COL18A1: variants seen among roughly 807,000 people sequenced by gnomAD.
The protein encoded by COL18A1 is collagen alpha-1(XVIII) chain.
In COL18A1, 133 loss-of-function variants were observed where a neutral mutation model predicts 168.0. The ratio of observed to expected loss-of-function variants is 0.79; its 90% CI spans 0.69 to 0.91. The LOEUF is 0.91. Ranked by LOEUF, COL18A1 falls within the 40% of genes least tolerant of loss-of-function variation. The pLI is 0.00. For missense variants in COL18A1, 2,126 were observed against 1,925.4 expected, an observed-to-expected ratio of 1.10 and a Z score of -1.95; for synonymous variants, 949 against 809.0, an observed-to-expected ratio of 1.17 and a Z score of -2.94.
In COL18A1 at chr21:45,477,960, G is replaced by A. The variant is rs766573503; in HGVS notation, c.1216G>A (p.Glu406Lys). The A allele has an allele frequency of 1.1e-5, 16 of 1,495,474 alleles. No homozygotes were observed. In the Admixed American group the frequency reaches 1.3e-4, roughly 13 times the overall value. 92.6% of individuals were successfully genotyped at this position (1,495,474 alleles called of 1,614,324 possible). Residue 406 changes from glutamate (E) to lysine (K), a missense_variant, in exon 8 of 42, where the codon GAG becomes AAG. By Grantham distance (56) the Glu-to-Lys change is moderately conservative (BLOSUM62 1). Transcript: ENST00000651438. ...GGACGGCACCCCTGGAAGGGACGGC[G>A]AGCCGGTGAGTCCTCACGTCCCCCC... is the stretch of plus-strand genomic sequence containing the variant. ...GRDGTPGRDGEPGDPGEDGKP... is the reference protein window; with the variant it reads ...GRDGTPGRDGKPGDPGEDGKP...
chr21:45,430,613 C>A (rs1360297849), intron 2 of COL18A1, among the ~76,000 whole-genome samples: 2 of 152,130 alleles, frequency 1.3e-5, no homozygotes, highest in African/African-American at 4.8e-5. Context: ...TGATGGAGCG[C>A]GTGGGTGGCT....
At chr21:45,422,813 G>A (rs1373457196) in intron 2 of COL18A1, among the ~76,000 whole-genome samples, 2 of 151,252 alleles carry the variant, frequency 1.3e-5, no homozygotes, top group Non-Finnish European at 3.0e-5. Context: ...TTGAGATGGA[G>A]TTTCACTCTT....
intron 2 of COL18A1, among the ~76,000 whole-genome samples, chr21:45,413,019 C>T (rs530203451): frequency 1.1e-4 from 16 of 152,256 alleles, no homozygotes; most frequent in African/African-American, 2.6e-4. Flanking sequence ...GATGGTGGAG[C>T]GTCATGGGGC....
At chr21:45,493,882 A>T (rs1416718575) in intron 26 of COL18A1, 1 of 441,876 alleles carries the variant, frequency 2.3e-6, no homozygotes, top group Admixed American at 3.6e-5. Context: ...TGTGGGGTGC[A>T]GGAGCCCAGG....
intron 26 of COL18A1, 94 bp downstream of exon 26, chr21:45,493,669 A>G (rs949919916): frequency 3.3e-6 from 3 of 913,544 alleles, no homozygotes; most frequent in Non-Finnish European, 5.1e-6. Flanking sequence ...CTGGCTCCTG[A>G]TGCACGAGCC....
At position 45,425,016 on chromosome 21, in the gene COL18A1, CTG is replaced by C. The variant is rs1486502910; in HGVS notation, c.106+19545_106+19546del. On this transcript the variant is annotated intron_variant, in intron 2 of 41. Coordinates refer to ENST00000651438, the MANE Select transcript of COL18A1 (RefSeq NM_001379500.1). This position sits in a 1 kb window ranked among gnomAD's most constrained non-coding sequence, Gnocchi z 4.1. Reference sequence around the variant, plus strand: ...GATCTCTCGCACCTGAAAATTTCCTCTGTAGCCATTCGCAGGAGGTTTCTCAG... The same window carrying C: ...GATCTCTCGCACCTGAAAATTTCCTCTAGCCATTCGCAGGAGGTTTCTCAG... 6.6e-6 allele frequency: 1 copy of C among 152,308 alleles called. No homozygotes were observed. The highest frequency in any genetic ancestry group is 6.5e-5 in the Admixed American group (1 of 15,292). The allele number at this position is 152,308 out of a possible 1,614,324, so 9.4% of individuals were successfully genotyped here. A position where few individuals can be genotyped will look rare whatever the true frequency, so the allele number is the denominator to read the frequency against.
At chr21:45,476,831 TGTG>T (rs1012329439) in intron 6 of COL18A1, among the ~76,000 whole-genome samples, 4 of 150,642 alleles carry the variant, frequency 2.7e-5, no homozygotes, top group African/African-American at 9.8e-5. Context: ...CAGTGCATGT[TGTG>T]TTGTATGTGA....
At chr21:45,468,030 A>G (rs2035277378) in intron 2 of COL18A1, among the ~76,000 whole-genome samples, 1 of 152,178 alleles carries the variant, frequency 6.6e-6, no homozygotes, top group Non-Finnish European at 1.5e-5. Flanking sequence ...AGGTTTCTGC[A>G]TGGAGCCTGC....
intron 2 of COL18A1, chr21:45,456,784 G>C (rs528804587): frequency 1.9e-6 from 3 of 1,541,600 alleles, no homozygotes; most frequent in Non-Finnish European, 1.7e-6. Flanking sequence ...TGCAGGATGC[G>C]TGTTGGAGCC....
At chr21:45,430,142 G>A (rs368224036) in intron 2 of COL18A1, among the ~76,000 whole-genome samples, 4,102 of 123,146 alleles carry the variant, frequency 0.033, 162 homozygotes, top group African/African-American at 0.12. Flanking sequence ...GCGCCCTCTC[G>A]CCCTCGCCTG....
At chr21:45,429,725 A>G (rs2033901729) in intron 2 of COL18A1, among the ~76,000 whole-genome samples, 1 of 152,302 alleles carries the variant, frequency 6.6e-6, no homozygotes, top group East Asian at 1.9e-4. Flanking sequence ...CATCCTCTCC[A>G]GGGCATGTGA....
intron 2 of COL18A1, chr21:45,456,909 C>G: frequency 7.1e-7 from 1 of 1,403,298 alleles, no homozygotes. Flanking sequence ...ATCTCCCCAC[C>G]CTTTCCTTTT....
chr21:45,408,525 G>T (rs1295323033), intron 2 of COL18A1: 1 of 152,280 alleles, frequency 6.6e-6, no homozygotes, highest in East Asian at 1.9e-4. Context: ...CCTGTGGTAT[G>T]ATCAACAGCA....
rs1221020914 is a variant in COL18A1, at chr21:45,512,983, C to T, written c.*585C>T. 6.2e-6 allele frequency: 1 copy of T among 162,486 alleles called. No homozygotes were observed. The highest frequency in any genetic ancestry group is 5.7e-5 in the Admixed American group (1 of 17,556). The allele number at this position is 162,486 out of a possible 1,614,324, so 10.1% of individuals were successfully genotyped here. A position where few individuals can be genotyped will look rare whatever the true frequency, so the allele number is the denominator to read the frequency against. On this transcript the variant is annotated 3_prime_UTR_variant, in exon 42 of 42. Transcript: ENST00000651438. ...GCTCTGGGCCATTCTCCACAGCAAC[C>T]CCAGGCTGAAGCAGGTTCCCAAGCT...
rs36140800 is a variant in COL18A1, at chr21:45,484,082, TACAC to T, written c.1701+1270_1701+1273del. On this transcript the variant is annotated intron_variant, in intron 15 of 41. Coordinates refer to ENST00000651438, the MANE Select transcript of COL18A1 (RefSeq NM_001379500.1). ...CACACACACACTTCTCCAGCATATG[TACAC>T]ACACACACCTCTCCAGCATATGTGC... Among the ~76,000 whole-genome samples the T allele has an allele frequency of 8.2e-5, 6 of 73,130 alleles. 1 individual carries two copies. Among genetic ancestry groups the T allele is most frequent in the East Asian group, 4.1e-4 (1 of 2,438 alleles). The allele number at this position is 73,130 out of a possible 152,430, so 48.0% of individuals were successfully genotyped here.
intron 2 of COL18A1, among the ~76,000 whole-genome samples, chr21:45,441,807 C>A (rs998349998): frequency 6.6e-6 from 1 of 152,234 alleles, no homozygotes. Context: ...GAAAATGTCC[C>A]ATGTCCTTAA....
intron 2 of COL18A1, chr21:45,455,461 G>A: frequency 6.3e-7 from 1 of 1,599,142 alleles, no homozygotes; most frequent in Admixed American, 1.7e-5. Context: ...AGGAGGGCGT[G>A]AGCCTGGCTA....
Position 45,496,488 on chromosome 21 carries a change from C to A in COL18A1, c.2509-12C>A. The A allele has an allele frequency of 8.0e-7, 1 of 1,247,908 alleles. No homozygotes were observed. Among genetic ancestry groups the A allele is most frequent in the Non-Finnish European group, 1.2e-6 (1 of 845,794 alleles). 77.3% of individuals were successfully genotyped at this position (1,247,908 alleles called of 1,614,324 possible). On this transcript the variant is annotated splice_polypyrimidine_tract_variant and intron_variant, in intron 29 of 41. Transcript: ENST00000651438. ...AGGCCATAAGCCTAACAGCTCTCTGCCCTCCCCACAGGGAATGCCCGGCCC... is the reference window on the plus strand; with the variant it reads ...AGGCCATAAGCCTAACAGCTCTCTGACCTCCCCACAGGGAATGCCCGGCCC...
intron 2 of COL18A1, chr21:45,407,434 T>C (rs2033150155): frequency 1.3e-5 from 2 of 152,278 alleles, no homozygotes; most frequent in African/African-American, 4.8e-5. Flanking sequence ...GGTTCTTGAA[T>C]GGTGTTTGTG....
Sources: gnomAD v4.1 joint callset for allele counts (sites outside exome capture counted in the v4.1 genomes callset) on GRCh38, gnomAD v4.1.1 for gene constraint, Gnocchi (gnomAD v3.1) non-coding constraint, MANE v1.5 for transcripts, NCBI Gene and HGNC (gene_info 2026-07-23, HGNC 2026-07-21) for gene names.